The following HLCS variants were observed in gnomAD, a reference collection of about 807,000 sequenced individuals.
HLCS encodes the protein holocarboxylase synthetase.
In HLCS, 53 loss-of-function variants were observed where a neutral mutation model predicts 75.0. That is an observed-to-expected ratio of 0.71 (90% CI 0.57 to 0.89). The LOEUF (loss-of-function observed/expected upper bound fraction) is 0.89. Among genes scored for constraint, HLCS ranks in the 40% least tolerant of loss-of-function variants. HLCS has a pLI of 0.00. For missense variants in HLCS, 966 were observed against 1,074.0 expected (o/e 0.90, Z 1.41); for synonymous variants, 431 against 428.6 (o/e 1.01, Z -0.07).
intron 8 of HLCS, among the ~76,000 whole-genome samples, chr21:36,763,692 G>T (rs959356299): frequency 6.6e-6 from 1 of 152,136 alleles, no homozygotes; most frequent in South Asian, 2.1e-4. Flanking sequence ...AGGAGCTGCT[G>T]GGGGAGGGAG....
At chr21:36,834,355 G>A (rs1486358635) in intron 6 of HLCS, among the ~76,000 whole-genome samples, 1 of 152,186 alleles carries the variant, frequency 6.6e-6, no homozygotes. Flanking sequence ...GGAGAAAAGG[G>A]AATGTCACTG....
intron 6 of HLCS, among the ~76,000 whole-genome samples, chr21:36,784,574 C>T (rs1051231084): frequency 3.3e-5 from 5 of 152,052 alleles, no homozygotes; most frequent in Admixed American, 1.3e-4. Context: ...CCTCAGCTTC[C>T]GAAAGTGCTA....
intron 6 of HLCS, among the ~76,000 whole-genome samples, chr21:36,870,591 C>G (rs1362269003): frequency 6.6e-6 from 1 of 152,200 alleles, no homozygotes; most frequent in Non-Finnish European, 1.5e-5. Context: ...GGATTTTCAT[C>G]TCAGCTTTCC....
At chr21:36,968,556 C>G (rs2068701837), upstream of HLCS, 1 of 152,188 alleles carries the variant, frequency 6.6e-6, no homozygotes, top group South Asian at 2.1e-4. Context: ...CTCTACAGGA[C>G]AGTGGCAGCC....
intron 5 of HLCS, among the ~76,000 whole-genome samples, chr21:36,902,172 C>T (rs996992204): frequency 1.9e-4 from 29 of 152,212 alleles, no homozygotes; most frequent in African/African-American, 6.5e-4. Context: ...ACTGCAGACT[C>T]CAGGATAAAA....
intron 1 of HLCS, among the ~76,000 whole-genome samples, chr21:36,977,883 CCCACCTGGG>C (rs2068985013): frequency 1.3e-5 from 2 of 152,228 alleles, no homozygotes; most frequent in Non-Finnish European, 1.5e-5. Flanking sequence ...CCAGCAACTG[CCCACCTGGG>C]CAGAGTGAAC....
At chr21:36,955,826 T>C (rs1247853365) in intron 2 of HLCS, among the ~76,000 whole-genome samples, 1 of 152,226 alleles carries the variant, frequency 6.6e-6, no homozygotes, top group Non-Finnish European at 1.5e-5. Context: ...GCAAGTGCCC[T>C]AGACAGGTGT....
intron 6 of HLCS, among the ~76,000 whole-genome samples, chr21:36,857,670 C>A (rs1395561422): frequency 6.6e-6 from 1 of 152,148 alleles, no homozygotes; most frequent in East Asian, 1.9e-4. Context: ...ATTTCAGTGG[C>A]CCAAGTTCTG....
chr21:36,945,864 TA>T (rs1382603151), intron 2 of HLCS: 2 of 152,460 alleles, frequency 1.3e-5, no homozygotes, highest in South Asian at 4.1e-4. Context: ...TGTTTGTCTC[TA>T]CACTCTTCCA....
intron 4 of HLCS, among the ~76,000 whole-genome samples, chr21:36,936,138 G>A (rs1474766838): frequency 6.6e-6 from 1 of 152,136 alleles, no homozygotes; most frequent in Admixed American, 6.5e-5. Flanking sequence ...ATTTGAGAAA[G>A]ATCATTACTA....
intron 1 of HLCS, among the ~76,000 whole-genome samples, chr21:36,990,001 G>T (rs1001412516): frequency 6.6e-6 from 1 of 152,084 alleles, no homozygotes; most frequent in African/African-American, 2.4e-5. Flanking sequence ...AGCTGGAGGC[G>T]GCTTTCCGGC....
chr21:36,804,438 C>T (rs1186312772), intron 6 of HLCS, among the ~76,000 whole-genome samples: 1 of 152,316 alleles, frequency 6.6e-6, no homozygotes, highest in East Asian at 1.9e-4. Context: ...CCATCAGAAG[C>T]TGAGCTTCTC....
chr21:36,969,424 C>T (rs144646924), upstream of HLCS, among the ~76,000 whole-genome samples: 142 of 152,228 alleles, frequency 9.3e-4, 1 homozygote, highest in African/African-American at 3.3e-3. Context: ...CCCAAATCAG[C>T]GTCTGCATTT....
intron 6 of HLCS, among the ~76,000 whole-genome samples, chr21:36,850,267 A>C (rs542842281): frequency 6.6e-6 from 1 of 152,236 alleles, no homozygotes; most frequent in Non-Finnish European, 1.5e-5. Context: ...TTCTCTACAA[A>C]TGTTCTCTAC....
chr21:36,952,440 A>T (rs2067710075), intron 2 of HLCS, among the ~76,000 whole-genome samples: 11 of 152,156 alleles, frequency 7.2e-5, no homozygotes, highest in African/African-American at 2.7e-4. Flanking sequence ...AAATTAGTTA[A>T]CTGGACTGTG....
At position 36,895,043 on chromosome 21, in the gene HLCS, C is replaced by T. The variant is rs542981840; in HGVS notation, c.1892+1817G>A. 2.4e-4 allele frequency among the ~76,000 whole-genome samples: 35 copies of T among 148,552 alleles called. No individual in the cohort carries two copies. In the South Asian group the frequency reaches 3.8e-3, roughly 16 times the overall value. ...GGCGTGTGCTGCCCTCTTGGTGACG[C>T]GCTGCCCTCTTGGTGACGCGCTGCC... On this transcript the variant is annotated intron_variant, in intron 6 of 10. Coordinates refer to ENST00000674895, the MANE Select transcript of HLCS (RefSeq NM_001352514.2).
In HLCS at chr21:36,841,724, C is replaced by A. The variant is rs374687393; in HGVS notation, c.1892+55136G>T. Among the ~76,000 whole-genome samples the A allele has an allele frequency of 3.9e-5, 6 of 152,326 alleles. No homozygotes were observed. In the East Asian group the frequency reaches 1.2e-3, roughly 29 times the overall value. On this transcript the variant is annotated intron_variant, in intron 6 of 10. Transcript: ENST00000674895. ...ATCTTGTGAAAGCAGTAGGCAAACG[C>A]CTGGCTTCACAGGCAACTAAGACGT...
At chr21:36,979,238 C>A (rs1422932001) in intron 1 of HLCS, among the ~76,000 whole-genome samples, 3 of 150,418 alleles carry the variant, frequency 2.0e-5, no homozygotes, top group Non-Finnish European at 1.5e-5. Flanking sequence ...CGCCACTGCC[C>A]TCCAGGCCTG....
chr21:36,882,020 C>T (rs1437620380), intron 6 of HLCS, among the ~76,000 whole-genome samples: 3 of 151,956 alleles, frequency 2.0e-5, no homozygotes, highest in African/African-American at 7.2e-5. Context: ...TGGTGGCTCA[C>T]GCCTGTAATC....
Sources: allele counts gnomAD v4.1 joint callset (sites outside exome capture counted in the v4.1 genomes callset), GRCh38; gene constraint gnomAD v4.1.1; transcripts MANE v1.5; gene names NCBI Gene and HGNC (gene_info 2026-07-23, HGNC 2026-07-21).